P4HA1: variants seen among roughly 807,000 people sequenced by gnomAD.
P4HA1 encodes the protein prolyl 4-hydroxylase subunit alpha 1.
A neutral mutation model predicts 72.8 loss-of-function variants in P4HA1; 24 were observed. That is an observed-to-expected ratio of 0.33 (90% CI 0.24 to 0.46). The LOEUF (loss-of-function observed/expected upper bound fraction) is 0.46. P4HA1 is among the 20% of genes least tolerant of loss of function. P4HA1 has a pLI of 1.00. For synonymous variants in P4HA1, 201 were observed against 218.8 expected (o/e 0.92, Z 0.72); for missense variants, 446 against 640.6 (o/e 0.70, Z 3.28).
Position 73,092,911 on chromosome 10 carries a change from G to T in P4HA1, c.-33+3855C>A, listed in dbSNP as rs1344879933. Among the ~76,000 whole-genome samples, 4 of 151,718 alleles carry T rather than the reference G, an allele frequency of 2.6e-5. No individual in the cohort carries two copies. In the East Asian group the frequency reaches 7.8e-4, roughly 29 times the overall value. On this transcript the variant is annotated intron_variant, in intron 1 of 14. Transcript: ENST00000394890. ...AGATGGGAGAATCACTTGAGGCCAGGAGTTCGAGACTAGCCTGGTCAACAG... is the reference window on the plus strand; with the variant it reads ...AGATGGGAGAATCACTTGAGGCCAGTAGTTCGAGACTAGCCTGGTCAACAG...
chr10:73,029,221 G>A (rs566671067), intron 10 of P4HA1, among the ~76,000 whole-genome samples: 2 of 151,992 alleles, frequency 1.3e-5, no homozygotes, highest in South Asian at 4.2e-4. Flanking sequence ...AGAGCAGCCT[G>A]GCCAACATGG....
At chr10:73,020,208 T>C (rs1840101622) in intron 10 of P4HA1, among the ~76,000 whole-genome samples, 1 of 151,476 alleles carries the variant, frequency 6.6e-6, no homozygotes, top group Non-Finnish European at 1.5e-5. Flanking sequence ...ATAACAAAGG[T>C]GACATTACAA....
chr10:73,095,706 C>T (rs1306821583), intron 1 of P4HA1, among the ~76,000 whole-genome samples: 1 of 152,096 alleles, frequency 6.6e-6, no homozygotes, highest in African/African-American at 2.4e-5. Context: ...TCTCTTTGGC[C>T]TTTTAGATCA....
At chr10:73,069,068 CTATTT>C in intron 4 of P4HA1, 85 bp from the exon 5 acceptor site, 2 of 1,044,398 alleles carry the variant, frequency 1.9e-6, no homozygotes, top group East Asian at 2.4e-5. Context: ...TGTTCAAAAT[CTATTT>C]TATTATTTTC....
intron 4 of P4HA1, among the ~76,000 whole-genome samples, chr10:73,071,511 CT>C (rs1841565583): frequency 6.6e-6 from 1 of 152,106 alleles, no homozygotes; most frequent in Non-Finnish European, 1.5e-5. Flanking sequence ...TCTTCTACAT[CT>C]GTTATTAAAG....
chr10:73,027,540 A>T (rs1840307424), intron 10 of P4HA1, among the ~76,000 whole-genome samples: 1 of 148,978 alleles, frequency 6.7e-6, no homozygotes, highest in Non-Finnish European at 1.5e-5. Context: ...TGGCACATGT[A>T]TACCTATGTA....
At chr10:73,052,285 G>A (rs992704785) in intron 6 of P4HA1, among the ~76,000 whole-genome samples, 1 of 151,904 alleles carries the variant, frequency 6.6e-6, no homozygotes, top group Non-Finnish European at 1.5e-5. Context: ...TAAGTGTTTA[G>A]GATACCTAGG....
At chr10:73,064,921 A>G (rs1447704407) in intron 5 of P4HA1, among the ~76,000 whole-genome samples, 1 of 152,204 alleles carries the variant, frequency 6.6e-6, no homozygotes, top group Non-Finnish European at 1.5e-5. Context: ...AGAGACACGT[A>G]ATCCAAAAAT....
intron 5 of P4HA1, among the ~76,000 whole-genome samples, chr10:73,062,946 T>G (rs1437862854): frequency 6.6e-6 from 1 of 151,764 alleles, no homozygotes; most frequent in Non-Finnish European, 1.5e-5. Context: ...AATCAAATAT[T>G]CAAATCATAC....
Position 73,084,229 on chromosome 10 carries a change from A to C in P4HA1, c.-32-9314T>G, listed in dbSNP as rs184525308. Among the ~76,000 whole-genome samples the C allele has an allele frequency of 3.6e-3, 555 of 152,370 alleles. 15 individuals are homozygous for C. The highest frequency in any genetic ancestry group is 8.1e-4 in the Non-Finnish European group (55 of 68,042). Reference sequence around the variant, plus strand: ...ATGCACTTTAGATTTCTTAAACTTAAATATAAATTATGAAGTTAAGTAAGG... The same window carrying C: ...ATGCACTTTAGATTTCTTAAACTTACATATAAATTATGAAGTTAAGTAAGG... On this transcript the variant is annotated intron_variant, in intron 1 of 14. Coordinates refer to ENST00000394890, the MANE Select transcript of P4HA1 (RefSeq NM_001017962.3).
chr10:73,034,055 T>C (rs891931809), intron 9 of P4HA1, among the ~76,000 whole-genome samples: 1 of 151,890 alleles, frequency 6.6e-6, no homozygotes, highest in Non-Finnish European at 1.5e-5. Context: ...ACAAAAAAAG[T>C]TTAAAAATTA....
chr10:73,039,923 G>A (rs527757353), intron 9 of P4HA1, among the ~76,000 whole-genome samples: 46 of 143,826 alleles, frequency 3.2e-4, no homozygotes, highest in African/African-American at 1.2e-3. Context: ...GTGCAGTGGT[G>A]CAATCTCAGC....
intron 9 of P4HA1, among the ~76,000 whole-genome samples, chr10:73,036,405 CT>C (rs1161945404): frequency 6.6e-6 from 1 of 150,460 alleles, no homozygotes; most frequent in South Asian, 2.1e-4. Flanking sequence ...GTAACACTCC[CT>C]TTTTTTTTGA....
intron 6 of P4HA1, among the ~76,000 whole-genome samples, chr10:73,051,900 CTT>C (rs1481024692): frequency 6.6e-6 from 1 of 152,134 alleles, no homozygotes; most frequent in Admixed American, 6.6e-5. Context: ...ACTCATCCTA[CTT>C]ATTTTAAGAA....
intron 4 of P4HA1, 124 bp downstream of exon 4, chr10:73,071,905 C>T (rs1400175434): frequency 4.8e-6 from 3 of 619,756 alleles, no homozygotes; most frequent in East Asian, 2.7e-5. Context: ...CCAAATGCAC[C>T]CAGGCATAAT....
At chr10:73,010,009 C>T in intron 13 of P4HA1, 106 bp from the exon 14 acceptor site, 1 of 634,558 alleles carries the variant, frequency 1.6e-6, no homozygotes, top group Non-Finnish European at 2.8e-6. Context: ...TGCTCTATCG[C>T]CCAGGCTGGA....
At chr10:73,037,563 ATATATATATTTTTT>A (rs1461638978) in intron 9 of P4HA1, among the ~76,000 whole-genome samples, 5 of 32,548 alleles carry the variant, frequency 1.5e-4, no homozygotes, top group African/African-American at 5.2e-4. Context: ...ATATATATAT[ATATATATATTTTTT>A]TTTTTTTTTT....
intron 12 of P4HA1, 48 bp from the exon 13 acceptor site, chr10:73,011,085 A>G (rs1324008961): frequency 8.0e-6 from 11 of 1,368,654 alleles, no homozygotes; most frequent in African/African-American, 7.2e-5. Context: ...AGAATAAAGT[A>G]AAACATGCCA....
intron 10 of P4HA1, among the ~76,000 whole-genome samples, chr10:73,030,043 T>C (rs188429423): frequency 6.6e-6 from 1 of 152,374 alleles, no homozygotes; most frequent in African/African-American, 2.4e-5. Flanking sequence ...ATATTTTTCA[T>C]TTCCCTAGAT....
Sources: allele counts gnomAD v4.1 joint callset (sites outside exome capture counted in the v4.1 genomes callset), GRCh38; gene constraint gnomAD v4.1.1; transcripts MANE v1.5; gene names NCBI Gene and HGNC (gene_info 2026-07-23, HGNC 2026-07-21).